ORC3: variants seen among roughly 807,000 people sequenced by gnomAD.
The protein encoded by ORC3 is homolog of latheo, Drosophila.
In ORC3, 78 loss-of-function variants were observed where a neutral mutation model predicts 100.7. The observed-to-expected ratio is 0.77, with a 90% CI of 0.65 to 0.94. The LOEUF (loss-of-function observed/expected upper bound fraction) is 0.94, where lower values mean the gene tolerates loss of function less well. ORC3 is among the 40% of genes least tolerant of loss of function. The pLI, the probability that ORC3 is intolerant of heterozygous loss-of-function variation, is 0.00. For missense variants in ORC3, 789 were observed against 823.9 expected (o/e 0.96, Z 0.52); for synonymous variants, 295 against 289.3 (o/e 1.02, Z -0.20).
intron 13 of ORC3, among the ~76,000 whole-genome samples, chr6:87,646,540 T>C (rs1263974438): frequency 1.3e-5 from 2 of 152,238 alleles, no homozygotes; most frequent in Admixed American, 1.3e-4. Context: ...TTTAACTGAT[T>C]ACAATTAGGC....
intron 18 of ORC3, 58 bp downstream of exon 18, chr6:87,664,917 C>T (rs1582095536): frequency 2.9e-6 from 3 of 1,027,420 alleles, no homozygotes; most frequent in East Asian, 2.5e-5. Flanking sequence ...TGATGACTTT[C>T]TCAGAATAGT....
chr6:87,627,738 C>A (rs1210655542), intron 11 of ORC3, among the ~76,000 whole-genome samples: 2 of 151,932 alleles, frequency 1.3e-5, no homozygotes, highest in African/African-American at 4.8e-5. Context: ...CATTTTGTGC[C>A]CATTTTCTAT....
intron 4 of ORC3, among the ~76,000 whole-genome samples, chr6:87,605,372 T>C (rs1472224428): frequency 6.6e-6 from 1 of 152,202 alleles, no homozygotes; most frequent in Non-Finnish European, 1.5e-5. Context: ...AAGGGTCGGC[T>C]GGGCACAGTG....
chr6:87,653,209 G>T lies in ORC3; in HGVS notation c.1476G>T (p.Lys492Asn). 1 of 1,613,958 alleles carries T rather than the reference G, an allele frequency of 6.2e-7. No homozygotes were observed. The highest frequency in any genetic ancestry group is 8.5e-7 in the Non-Finnish European group (1 of 1,179,888). The change falls in exon 14 of 20, where the codon AAG becomes AAT. Residue 492 changes from lysine to asparagine, a missense_variant. Lys to Asn is a moderately conservative substitution (Grantham distance 94). Coordinates refer to ENST00000392844, the MANE Select transcript of ORC3 (RefSeq NM_012381.4). ...AAAACCACCTTGGCAGCACAGCTAA[G>T]AGAATAGAGGAGTTCCTGGCCCAGT... ...YCENHLGSTA[K>N]RIEEFLAQFQ...
At chr6:87,672,232 T>C (rs764279473), downstream of ORC3, among the ~76,000 whole-genome samples, 1 of 152,104 alleles carries the variant, frequency 6.6e-6, no homozygotes, top group African/African-American at 2.4e-5. Context: ...AAGGAAGGGG[T>C]AATAAACTGG....
intron 14 of ORC3, among the ~76,000 whole-genome samples, chr6:87,656,110 T>C (rs895640544): frequency 6.6e-6 from 1 of 152,212 alleles, no homozygotes; most frequent in Non-Finnish European, 1.5e-5. Context: ...ATTTAAGCAG[T>C]TATGGTTTTC....
At chr6:87,677,487 T>C in the ORC3 span, among the ~76,000 whole-genome samples, 1 of 152,196 alleles carries the variant, frequency 6.6e-6, no homozygotes, top group Non-Finnish European at 1.5e-5. Flanking sequence ...GCCAATTAGA[T>C]ATTTTAAATG....
chr6:87,657,163 C>A, intron 15 of ORC3, 181 bp downstream of exon 15: 1 of 521,206 alleles, frequency 1.9e-6, no homozygotes, highest in Non-Finnish European at 3.5e-6. Context: ...CATCATTACT[C>A]TACATATACA....
downstream of ORC3, among the ~76,000 whole-genome samples, chr6:87,668,340 A>G (rs28381554): frequency 0.031 from 4,767 of 152,250 alleles, 246 homozygotes; most frequent in African/African-American, 0.11. Context: ...ATGAGTATCC[A>G]TTATCCAAAA....
At chr6:87,629,469 A>G (rs184462857) in intron 11 of ORC3, among the ~76,000 whole-genome samples, 121 of 152,336 alleles carry the variant, frequency 7.9e-4, no homozygotes, top group African/African-American at 2.8e-3. Context: ...CTTTACCTGT[A>G]TAAGTTTTAC....
chr6:87,675,557 A>C, the ORC3 span: 3 of 1,613,114 alleles, frequency 1.9e-6, no homozygotes, highest in Non-Finnish European at 2.5e-6. Context: ...GCAACAACTC[A>C]ACAAGGAACA....
rs1273853035 is a variant in ORC3 at position 87,663,006 on chromosome 6, A to G, written c.1695A>G (p.Glu565=). ...VVNFIDCLVR[E]YLLPPETQPL... is the part of the protein sequence containing the mutation. ...GATGCCTGACTGGCTGTTTCAGAGAATACCTTCTGCCTCCTGAGACACAGC... is the reference window on the plus strand; with the variant it reads ...GATGCCTGACTGGCTGTTTCAGAGAGTACCTTCTGCCTCCTGAGACACAGC... The change falls in exon 17 of 20, where the codon GAA becomes GAG. Residue 565 remains glutamate, a synonymous_variant. Coordinates refer to ENST00000392844, the MANE Select transcript of ORC3 (RefSeq NM_012381.4). 6.3e-7 allele frequency: 1 copy of G among 1,599,822 alleles called. No individual in the cohort carries two copies.
chr6:87,676,052 A>C, the ORC3 span: 1 of 751,184 alleles, frequency 1.3e-6, no homozygotes, highest in Non-Finnish European at 2.2e-6. Context: ...ACATAACCTC[A>C]GTAGTACTAA....
intron 9 of ORC3, among the ~76,000 whole-genome samples, chr6:87,616,972 A>G (rs1779202254): frequency 6.6e-6 from 1 of 151,914 alleles, no homozygotes. Flanking sequence ...TAATTTTTGT[A>G]TATTTAGTAG....
downstream of ORC3, among the ~76,000 whole-genome samples, chr6:87,671,704 A>G (rs1168796637): frequency 6.6e-6 from 1 of 152,196 alleles, no homozygotes; most frequent in Non-Finnish European, 1.5e-5. Context: ...TTGCAAGCCA[A>G]CTGAAGAGTG....
chr6:87,676,291 C>T, the ORC3 span, among the ~76,000 whole-genome samples: 10,671 of 148,370 alleles, frequency 0.072, 395 homozygotes, highest in South Asian at 0.079. Flanking sequence ...GGTGAAACCC[C>T]ATCTCTACTA....
intron 2 of ORC3, among the ~76,000 whole-genome samples, chr6:87,597,678 T>TACACACACACAC (rs1245994243): frequency 7.3e-6 from 1 of 136,738 alleles, no homozygotes; most frequent in African/African-American, 3.0e-5. Context: ...GATATATATA[T>TACACACACACAC]ATACACACAC....
chr6:87,614,088 C>G (rs1778979846), intron 8 of ORC3, among the ~76,000 whole-genome samples: 1 of 152,246 alleles, frequency 6.6e-6, no homozygotes, highest in African/African-American at 2.4e-5. Flanking sequence ...CCTGCCCCTA[C>G]AGCAAACTTC....
At chr6:87,601,301 A>G (rs1205127873) in intron 2 of ORC3, among the ~76,000 whole-genome samples, 5 of 152,194 alleles carry the variant, frequency 3.3e-5, no homozygotes, top group African/African-American at 1.2e-4. Context: ...TATGGTAAAA[A>G]TAAAAGATTA....
Sources: allele counts gnomAD v4.1 joint callset (sites outside exome capture counted in the v4.1 genomes callset), GRCh38; gene constraint gnomAD v4.1.1; transcripts MANE v1.5; gene names NCBI Gene and HGNC (gene_info 2026-07-23, HGNC 2026-07-21).